Variants in BCAS3 observed in about 807,000 individuals in gnomAD.
BCAS3 encodes BCAS3 microtubule associated cell migration factor, also known as BCAS4/BCAS3 fusion.
Under a neutral mutation model 116.1 loss-of-function variants are expected in BCAS3, and 53 were observed. The ratio of observed to expected loss-of-function variants is 0.46; its 90% confidence interval spans 0.37 to 0.57. The LOEUF is 0.57. BCAS3 is among the 20% of genes least tolerant of loss of function. BCAS3 has a pLI of 0.00. For synonymous variants in BCAS3, 391 were observed against 408.2 expected (o/e 0.96, Z 0.51); for missense variants, 917 against 1,165.4 (o/e 0.79, Z 3.10).
chr17:60,962,078 T>A lies in BCAS3; in HGVS notation c.1221+14726T>A, dbSNP rs1007888777. ...TATATACCATATATGCTTTATTTAT[T>A]CATCTGTTGATGAACTCTTAGAGTG... On this transcript the variant is annotated intron_variant, in intron 14 of 23. Coordinates refer to ENST00000407086, the MANE Select transcript of BCAS3 (RefSeq NM_017679.5). The surrounding 1 kb of genome is among the most constrained non-coding windows in gnomAD (Gnocchi z 4.4). 6.6e-6 allele frequency among the ~76,000 whole-genome samples: 1 copy of A among 152,234 alleles called. No individual in the cohort carries two copies. Among genetic ancestry groups the A allele is most frequent in the African/African-American group, 2.4e-5 (1 of 41,460 alleles).
chr17:61,285,822 A>C lies in BCAS3; in HGVS notation c.2426-82505A>C, dbSNP rs2051717512. On this transcript the variant is annotated intron_variant, in intron 22 of 23. Coordinates refer to ENST00000407086, the MANE Select transcript of BCAS3 (RefSeq NM_017679.5). This position sits in a 1 kb window ranked among gnomAD's most constrained non-coding sequence, Gnocchi z 5.4. ...CCTGCAGCTGAGCCTCGAGTTTCTC[A>C]TGTCTTCCCTCCCATCTCCAGTCCC... Among the ~76,000 whole-genome samples, 1 of 152,056 alleles carries C rather than the reference A, an allele frequency of 6.6e-6. No individual in the cohort carries two copies. The highest frequency in any genetic ancestry group is 6.5e-5 in the Admixed American group (1 of 15,280).
chr17:60,791,850 C>A (rs1013782187), intron 6 of BCAS3, among the ~76,000 whole-genome samples: 4 of 151,986 alleles, frequency 2.6e-5, no homozygotes, highest in African/African-American at 9.7e-5. Context: ...CCTGGCTGGG[C>A]GCAGTGGCTC....
intron 22 of BCAS3, among the ~76,000 whole-genome samples, chr17:61,225,079 A>C (rs2082301291): frequency 6.6e-6 from 1 of 152,018 alleles, no homozygotes; most frequent in African/African-American, 2.4e-5. Context: ...TGGCCACAGG[A>C]GACTTGTCAG....
At chr17:61,107,952 T>G (rs2074780613) in intron 22 of BCAS3, among the ~76,000 whole-genome samples, 1 of 152,258 alleles carries the variant, frequency 6.6e-6, no homozygotes, top group South Asian at 2.1e-4. Context: ...TTTTCCATAC[T>G]GTCTGTATTA....
chr17:60,972,121 C>T (rs1486768643), intron 14 of BCAS3, among the ~76,000 whole-genome samples: 2 of 152,228 alleles, frequency 1.3e-5, no homozygotes, highest in Non-Finnish European at 2.9e-5. Context: ...GTCCCACTAT[C>T]ACCTTGGTGT....
At chr17:61,031,119 T>C (rs1240923138) in intron 16 of BCAS3, among the ~76,000 whole-genome samples, 1 of 152,002 alleles carries the variant, frequency 6.6e-6, no homozygotes, top group Non-Finnish European at 1.5e-5. Context: ...CTTGCAAATG[T>C]TCTTTAATGA....
In BCAS3 at chr17:61,067,283, A is replaced by G. The variant is rs1486349442; in HGVS notation, c.2030-7637A>G. Among the ~76,000 whole-genome samples, 379 of 115,444 alleles carry G rather than the reference A, an allele frequency of 3.3e-3. 13 individuals carry two copies. The highest frequency in any genetic ancestry group is 0.013 in the African/African-American group (363 of 27,168). The allele number at this position is 115,444 out of a possible 152,430, so 75.7% of individuals were successfully genotyped here. A position where few individuals can be genotyped will look rare whatever the true frequency, so the allele number is the denominator to read the frequency against. ...TTTATGTGTGTATGTGTATATATAT[A>G]TATATATATATATATATATATATAT... On this transcript the variant is annotated intron_variant, in intron 19 of 23. Transcript: ENST00000407086.
At chr17:60,938,251 G>C (rs1482479757) in intron 13 of BCAS3, among the ~76,000 whole-genome samples, 1 of 152,172 alleles carries the variant, frequency 6.6e-6, no homozygotes, top group Non-Finnish European at 1.5e-5. Flanking sequence ...TGAAAAAGAT[G>C]AGTAAATTTT....
Position 61,041,931 on chromosome 17 carries a change from C to T in BCAS3, c.2029+1039C>T, listed in dbSNP as rs2067543056. Among the ~76,000 whole-genome samples the T allele has an allele frequency of 6.6e-6, 1 of 151,950 alleles. No homozygotes were observed. The highest frequency in any genetic ancestry group is 6.6e-5 in the Admixed American group (1 of 15,266). The stretch of plus-strand genomic sequence containing the variant: ...GTGATTAGTATATTGCTTCTCTCCT[C>T]AATGAATTCCCTAATTCAGGAGATA... On this transcript the variant is annotated intron_variant, in intron 19 of 23. Coordinates refer to ENST00000407086, the MANE Select transcript of BCAS3 (RefSeq NM_017679.5). The surrounding 1 kb of genome is among the most constrained non-coding windows in gnomAD (Gnocchi z 4.7).
At chr17:61,069,733 G>A (rs2071113516) in intron 19 of BCAS3, 1 of 593,584 alleles carries the variant, frequency 1.7e-6, no homozygotes, top group Admixed American at 3.0e-5. Flanking sequence ...AGCTACTCAG[G>A]AGGCTGAGGT....
At chr17:60,985,141 C>CTT (rs560277871) in intron 14 of BCAS3, among the ~76,000 whole-genome samples, 74 of 120,334 alleles carry the variant, frequency 6.1e-4, no homozygotes, top group East Asian at 1.4e-3. Context: ...CAACTGTATT[C>CTT]TTTTTTTTTT....
At position 60,768,946 on chromosome 17, in the gene BCAS3, A is replaced by G. The variant is rs143506168; in HGVS notation, c.403+21667A>G. Among the ~76,000 whole-genome samples, 475 of 152,256 alleles carry G rather than the reference A, an allele frequency of 3.1e-3. 8 individuals carry two copies. Among genetic ancestry groups the G allele is most frequent in the Admixed American group, 0.025 (376 of 15,286 alleles). On this transcript the variant is annotated intron_variant, in intron 6 of 23. Transcript: ENST00000407086. ...TAGCAGGGGTGGAGCAATGCACTGG[A>G]ACCCAAGTGATTTATGCTGGTGTTG...
chr17:60,871,668 G>A (rs1436947102), intron 8 of BCAS3, among the ~76,000 whole-genome samples: 2 of 150,286 alleles, frequency 1.3e-5, no homozygotes, highest in East Asian at 2.0e-4. Flanking sequence ...GGACGATCAT[G>A]TTTTTCCTTT....
At chr17:60,699,350 G>A (rs941572730) in intron 4 of BCAS3, among the ~76,000 whole-genome samples, 8 of 152,072 alleles carry the variant, frequency 5.3e-5, no homozygotes, top group African/African-American at 1.9e-4. Flanking sequence ...CAGTAGCTAG[G>A]ATTACAAGCA....
At chr17:60,974,999 G>GTT (rs577462434) in intron 14 of BCAS3, among the ~76,000 whole-genome samples, 12 of 132,014 alleles carry the variant, frequency 9.1e-5, no homozygotes, top group East Asian at 2.1e-4. Context: ...TTGCTTTTTT[G>GTT]TTTTTTTTTT....
At chr17:60,869,521 G>A (rs542454755) in intron 8 of BCAS3, among the ~76,000 whole-genome samples, 11 of 152,248 alleles carry the variant, frequency 7.2e-5, no homozygotes, top group Non-Finnish European at 1.2e-4. Context: ...GTTTTGAAAC[G>A]TGACTCAGTA....
intron 19 of BCAS3, among the ~76,000 whole-genome samples, chr17:61,069,433 A>G (rs1291037789): frequency 6.6e-6 from 1 of 152,212 alleles, no homozygotes; most frequent in Admixed American, 6.5e-5. Context: ...CCAGTAGTTG[A>G]GTGCACAGAT....
intron 15 of BCAS3, among the ~76,000 whole-genome samples, chr17:61,000,104 A>G (rs1207775960): frequency 1.3e-5 from 2 of 152,158 alleles, no homozygotes; most frequent in Non-Finnish European, 2.9e-5. Flanking sequence ...CTCTTTTCCC[A>G]TTTAATGCCT....
intron 22 of BCAS3, among the ~76,000 whole-genome samples, chr17:61,296,726 C>A (rs1458590653): frequency 6.6e-6 from 1 of 152,166 alleles, no homozygotes. Flanking sequence ...ATTGACTAAA[C>A]CAAGTCTTGA....
Sources: allele counts gnomAD v4.1 joint callset (sites outside exome capture counted in the v4.1 genomes callset), GRCh38; gene constraint gnomAD v4.1.1; non-coding constraint Gnocchi (gnomAD v3.1); transcripts MANE v1.5; gene names NCBI Gene and HGNC (gene_info 2026-07-23, HGNC 2026-07-21).